The following FAF1 variants were observed in gnomAD, a reference collection of about 807,000 sequenced individuals.
The protein encoded by FAF1 is FAS-associated factor 1.
FAF1 carries 25 observed loss-of-function variants against 92.5 expected under a neutral mutation model. The ratio of observed to expected loss-of-function variants is 0.27; its 90% confidence interval spans 0.20 to 0.38. The LOEUF (loss-of-function observed/expected upper bound fraction) is 0.38. Ranked by LOEUF, FAF1 falls within the 10% of genes least tolerant of loss-of-function variation. FAF1 has a pLI of 1.00. For synonymous variants in FAF1, 234 were observed against 273.2 expected (o/e 0.86, Z 1.42); for missense variants, 636 against 793.3 (o/e 0.80, Z 2.38).
At chr1:50,943,724 C>A (rs4492667) in intron 1 of FAF1, among the ~76,000 whole-genome samples, 134,556 of 148,628 alleles carry the variant, frequency 0.91, 60,242 homozygotes, top group South Asian at 0.94. Flanking sequence ...TTTTAGAGAG[C>A]TCTACACAGT....
At chr1:50,544,835 G>A (rs1648934012) in intron 13 of FAF1, among the ~76,000 whole-genome samples, 1 of 152,086 alleles carries the variant, frequency 6.6e-6, no homozygotes, top group Admixed American at 6.5e-5. Flanking sequence ...AGGTGAAGGA[G>A]GAAATGAAAT....
At chr1:50,482,262 T>C (rs1464543827) in intron 17 of FAF1, among the ~76,000 whole-genome samples, 1 of 152,186 alleles carries the variant, frequency 6.6e-6, no homozygotes, top group Non-Finnish European at 1.5e-5. Flanking sequence ...TAGCATAATA[T>C]ATTTGAGATT....
intron 1 of FAF1, among the ~76,000 whole-genome samples, chr1:50,942,829 C>T (rs1008084415): frequency 1.3e-5 from 2 of 151,892 alleles, no homozygotes; most frequent in Admixed American, 1.3e-4. Context: ...CAGAGTGGGC[C>T]ATACATCATG....
intron 15 of FAF1, among the ~76,000 whole-genome samples, chr1:50,518,587 C>T (rs560984323): frequency 6.6e-6 from 1 of 152,118 alleles, no homozygotes; most frequent in African/African-American, 2.4e-5. Flanking sequence ...ACTACAGGTG[C>T]CTCCCACCAC....
At chr1:50,794,457 T>C (rs1197246651) in intron 3 of FAF1, among the ~76,000 whole-genome samples, 2 of 152,214 alleles carry the variant, frequency 1.3e-5, no homozygotes, top group East Asian at 3.8e-4. Context: ...GAAGGAGAGA[T>C]AGCCTGAGGT....
At chr1:50,776,498 T>C (rs1057085376) in intron 4 of FAF1, among the ~76,000 whole-genome samples, 1 of 152,084 alleles carries the variant, frequency 6.6e-6, no homozygotes, top group Non-Finnish European at 1.5e-5. Flanking sequence ...CCATTTCTGA[T>C]CACCACACTC....
intron 7 of FAF1, among the ~76,000 whole-genome samples, chr1:50,678,777 A>C (rs1207281601): frequency 4.5e-5 from 3 of 66,922 alleles, no homozygotes; most frequent in African/African-American, 3.2e-4. Flanking sequence ...ACTCCATCTC[A>C]AAAAAAAAAA....
chr1:50,656,615 G>A (rs1384515154), intron 7 of FAF1, among the ~76,000 whole-genome samples: 4 of 152,194 alleles, frequency 2.6e-5, no homozygotes, highest in Non-Finnish European at 4.4e-5. Flanking sequence ...AGGCATGGTG[G>A]CTCACGCCTG....
chr1:50,799,186 T>C (rs1455307162), intron 3 of FAF1, among the ~76,000 whole-genome samples: 5 of 152,224 alleles, frequency 3.3e-5, no homozygotes, highest in African/African-American at 4.8e-5. Context: ...ATAGAGAGGA[T>C]AGAGCATGGC....
At chr1:50,652,093 C>A (rs151043638) in intron 8 of FAF1, among the ~76,000 whole-genome samples, 3 of 152,148 alleles carry the variant, frequency 2.0e-5, no homozygotes, top group African/African-American at 7.2e-5. Flanking sequence ...TGTGGGCAGG[C>A]ACCACTTCAC....
intron 4 of FAF1, among the ~76,000 whole-genome samples, chr1:50,779,305 T>C (rs553798048): frequency 6.6e-6 from 1 of 152,224 alleles, no homozygotes; most frequent in African/African-American, 2.4e-5. Flanking sequence ...CCTCCTCCCA[T>C]GAATCATGAG....
At chr1:50,682,170 G>A (rs1656456064) in intron 7 of FAF1, among the ~76,000 whole-genome samples, 1 of 151,996 alleles carries the variant, frequency 6.6e-6, no homozygotes, top group Admixed American at 6.6e-5. Flanking sequence ...TGATGCCAAA[G>A]GATGTACCTC....
intron 2 of FAF1, among the ~76,000 whole-genome samples, chr1:50,836,369 T>C (rs1557551324): frequency 6.6e-6 from 1 of 151,946 alleles, no homozygotes; most frequent in Non-Finnish European, 1.5e-5. Flanking sequence ...TCTAAAATCA[T>C]GGAGTAGCAT....
intron 1 of FAF1, among the ~76,000 whole-genome samples, chr1:50,904,374 A>C (rs1644818961): frequency 6.6e-6 from 1 of 152,208 alleles, no homozygotes; most frequent in Non-Finnish European, 1.5e-5. Flanking sequence ...GAAATGAGGA[A>C]TTAAAGTTTA....
At chr1:50,866,568 C>T (rs567391008) in intron 1 of FAF1, among the ~76,000 whole-genome samples, 4 of 151,970 alleles carry the variant, frequency 2.6e-5, no homozygotes, top group South Asian at 2.1e-4. Flanking sequence ...AGAATCAAAC[C>T]GAGAACTCAA....
chr1:50,885,666 G>A (rs1267300033), intron 1 of FAF1, among the ~76,000 whole-genome samples: 4 of 152,032 alleles, frequency 2.6e-5, no homozygotes, highest in Admixed American at 2.0e-4. Context: ...GAAGAGTTTA[G>A]TCCATTTATA....
At chr1:50,587,948 G>C (rs1651317094) in intron 9 of FAF1, among the ~76,000 whole-genome samples, 1 of 152,152 alleles carries the variant, frequency 6.6e-6, no homozygotes, top group African/African-American at 2.4e-5. Context: ...GTTCCTTTCA[G>C]CAACATTCAC....
At chr1:50,506,511 C>T (rs777577956) in intron 15 of FAF1, among the ~76,000 whole-genome samples, 1 of 152,194 alleles carries the variant, frequency 6.6e-6, no homozygotes, top group Non-Finnish European at 1.5e-5. Context: ...TAAGCAATCA[C>T]AGGTACTCCC....
At position 50,567,165 on chromosome 1, in the gene FAF1, T is replaced by G. The variant is rs1481663459; in HGVS notation, c.1180A>C (p.Met394Leu). The change falls in exon 13 of 19, where the codon ATG becomes CTG. Residue 394 changes from methionine to leucine, a missense_variant. This residue lies in a region of FAF1 where 319 missense variants were observed against 451.0 expected (regional missense o/e 0.71). Transcript: ENST00000396153. ...SVLTNVFCSQMLCAESIVSYL... is the reference protein window; with the variant it reads ...SVLTNVFCSQLLCAESIVSYL... Reference sequence around the variant, plus strand: ...GAAACAATGGATTCAGCACAAAGCATTTGTGAGCAGAACACGTTGGTTAAC... The same window carrying G: ...GAAACAATGGATTCAGCACAAAGCAGTTGTGAGCAGAACACGTTGGTTAAC... 1 of 1,611,092 alleles carries G rather than the reference T, an allele frequency of 6.2e-7. No homozygotes were observed. The highest frequency in any genetic ancestry group is 2.2e-5 in the East Asian group (1 of 44,822).
Sources: allele counts gnomAD v4.1 joint callset (sites outside exome capture counted in the v4.1 genomes callset), GRCh38; gene constraint gnomAD v4.1.1; regional missense constraint gnomAD v4.1.1; transcripts MANE v1.5; gene names NCBI Gene and HGNC (gene_info 2026-07-23, HGNC 2026-07-21).